TTC21B: variants seen among roughly 807,000 people sequenced by gnomAD.
TTC21B encodes the protein tetratricopeptide repeat domain 21B, also known as tetratricopeptide repeat protein 21B.
A neutral mutation model predicts 175.1 loss-of-function variants in TTC21B; 127 were observed. The ratio of observed to expected loss-of-function variants is 0.73; its 90% confidence interval spans 0.63 to 0.84. The LOEUF is 0.84. Ranked by LOEUF, TTC21B falls within the 40% of genes least tolerant of loss-of-function variation. The pLI, the probability that TTC21B is intolerant of heterozygous loss-of-function variation, is 0.00. For missense variants in TTC21B, 1,561 were observed against 1,558.3 expected, an observed-to-expected ratio of 1.00 and a Z score of -0.03; for synonymous variants, 524 against 524.5, an observed-to-expected ratio of 1.00 and a Z score of 0.01.
chr2:165,944,954 G>A (rs1200785583), intron 4 of TTC21B, among the ~76,000 whole-genome samples: 3 of 152,202 alleles, frequency 2.0e-5, no homozygotes, highest in Non-Finnish European at 2.9e-5. Flanking sequence ...ACACTTAAGC[G>A]TGTGATCTCT....
chr2:165,904,161 A>G (rs867024208), intron 19 of TTC21B, among the ~76,000 whole-genome samples: 1 of 16,456 alleles, frequency 6.1e-5, no homozygotes, highest in Admixed American at 9.4e-4. Flanking sequence ...TTATTTCTAA[A>G]ATGTTTTAAA....
chr2:165,879,868 T>A (rs1190152738), intron 27 of TTC21B: 1 of 152,160 alleles, frequency 6.6e-6, no homozygotes, highest in Non-Finnish European at 1.5e-5. Flanking sequence ...GATGAGAGAC[T>A]CGGAATCCAA....
chr2:165,923,299 C>A (rs942331063), intron 12 of TTC21B, among the ~76,000 whole-genome samples: 1 of 152,110 alleles, frequency 6.6e-6, no homozygotes, highest in African/African-American at 2.4e-5. Context: ...AAGACAATCT[C>A]ATCACTCCAT....
intron 24 of TTC21B, among the ~76,000 whole-genome samples, chr2:165,889,644 C>T (rs1470022579): frequency 6.6e-6 from 1 of 152,140 alleles, no homozygotes; most frequent in Non-Finnish European, 1.5e-5. Flanking sequence ...TCTCGGTAAT[C>T]CAAGCGTTAA....
Position 165,931,646 on chromosome 2 carries a change from A to C in TTC21B, c.894+112T>G, listed in dbSNP as rs886161347. On this transcript the variant is annotated intron_variant, in intron 8 of 28. Coordinates refer to ENST00000243344, the MANE Select transcript of TTC21B (RefSeq NM_024753.5). ...TTCCTAGGAGTATATCATATATTTAAATACATATTTGCACTCTAGGCCATA... is the reference window on the plus strand; with the variant it reads ...TTCCTAGGAGTATATCATATATTTACATACATATTTGCACTCTAGGCCATA... The C allele has an allele frequency of 5.7e-6, 5 of 872,126 alleles. No homozygotes were observed. In the African/African-American group the frequency reaches 6.7e-5, roughly 12 times the overall value. The allele number at this position is 872,126 out of a possible 1,614,324, so 54.0% of individuals were successfully genotyped here. A position where few individuals can be genotyped will look rare whatever the true frequency, so the allele number is the denominator to read the frequency against.
At chr2:165,889,200 C>G (rs996562024) in intron 24 of TTC21B, among the ~76,000 whole-genome samples, 4 of 152,142 alleles carry the variant, frequency 2.6e-5, no homozygotes, top group African/African-American at 9.7e-5. Flanking sequence ...AGCCACTGGT[C>G]TTCTTCTCAG....
intron 11 of TTC21B, among the ~76,000 whole-genome samples, chr2:165,926,665 C>T (rs1344607059): frequency 1.3e-5 from 2 of 151,996 alleles, no homozygotes; most frequent in African/African-American, 2.4e-5. Flanking sequence ...AGGAGATTAA[C>T]GTTTGAGTCA....
chr2:165,922,376 C>G (rs1323156194), intron 12 of TTC21B, among the ~76,000 whole-genome samples: 1 of 150,718 alleles, frequency 6.6e-6, no homozygotes, highest in African/African-American at 2.4e-5. Flanking sequence ...CCAAACAAAT[C>G]ATCAAGAAAA....
In TTC21B at chr2:165,898,760, G is replaced by A; in HGVS notation, c.2876C>T (p.Ala959Val). Residue 959 changes from alanine to valine, a missense_variant, in exon 22 of 29, where the codon GCT becomes GTT. By Grantham distance (64) the Ala-to-Val change is moderately conservative. Coordinates refer to ENST00000243344, the MANE Select transcript of TTC21B (RefSeq NM_024753.5). ...QDNEAATMMM[A>V]DLMFRKQDYE... ...GTCTTGTTTTCTGAACATGAGATCA[G>A]CCATCATCTATAAAGATAAAAGTTG... 1 of 1,609,196 alleles carries A rather than the reference G, an allele frequency of 6.2e-7. No individual in the cohort carries two copies. Among genetic ancestry groups the A allele is most frequent in the Non-Finnish European group, 8.5e-7 (1 of 1,175,638 alleles).
chr2:165,952,616 T>C (rs564991472), intron 1 of TTC21B, among the ~76,000 whole-genome samples: 2 of 152,296 alleles, frequency 1.3e-5, no homozygotes, highest in African/African-American at 4.8e-5. Flanking sequence ...AAAATGTTCA[T>C]TTGGGTGGCA....
intron 22 of TTC21B, among the ~76,000 whole-genome samples, chr2:165,897,708 AAAAG>A (rs1384788440): frequency 6.6e-6 from 1 of 152,184 alleles, no homozygotes; most frequent in Non-Finnish European, 1.5e-5. Flanking sequence ...TGAATATATA[AAAAG>A]AAAGGGAGTT....
At chr2:165,940,129 T>C (rs1001608921) in intron 6 of TTC21B, among the ~76,000 whole-genome samples, 3 of 152,138 alleles carry the variant, frequency 2.0e-5, no homozygotes, top group African/African-American at 7.2e-5. Context: ...ATTCTTTCTC[T>C]TACACCTAAA....
At chr2:165,944,781 T>G (rs547637647) in intron 4 of TTC21B, among the ~76,000 whole-genome samples, 22 of 152,296 alleles carry the variant, frequency 1.4e-4, no homozygotes, top group African/African-American at 5.3e-4. Context: ...TATGAGTATC[T>G]TAGTGTACCC....
intron 27 of TTC21B, among the ~76,000 whole-genome samples, chr2:165,879,219 C>T (rs1684765810): frequency 6.6e-6 from 1 of 152,144 alleles, no homozygotes; most frequent in Admixed American, 6.5e-5. Context: ...TCTTTATTTG[C>T]TGAGGTCTTC....
chr2:165,948,002 C>G (rs1687640729), intron 3 of TTC21B: 1 of 152,202 alleles, frequency 6.6e-6, no homozygotes, highest in African/African-American at 2.4e-5. Flanking sequence ...TCTATACTAA[C>G]TACAGCTCTC....
chr2:165,931,929 T>A, intron 7 of TTC21B, 73 bp from the exon 8 acceptor site: 1 of 960,982 alleles, frequency 1.0e-6, no homozygotes, highest in Non-Finnish European at 1.7e-6. Context: ...ACATACACAC[T>A]AACAAAGCAT....
At chr2:165,929,064 GAA>G (rs1686784004) in intron 11 of TTC21B, 69 bp downstream of exon 11, 1 of 1,430,182 alleles carries the variant, frequency 7.0e-7, no homozygotes, top group East Asian at 2.3e-5. Context: ...ATGCATCAAA[GAA>G]AACTTTTAAG....
chr2:165,929,082 T>C (rs1007334973), intron 11 of TTC21B, 53 bp downstream of exon 11: 1 of 1,547,018 alleles, frequency 6.5e-7, no homozygotes, highest in Non-Finnish European at 8.9e-7. Context: ...TTAAGTTCTT[T>C]CATAAAACAT....
intron 14 of TTC21B, among the ~76,000 whole-genome samples, chr2:165,916,150 C>T (rs1305271198): frequency 6.6e-6 from 1 of 152,130 alleles, no homozygotes; most frequent in African/African-American, 2.4e-5. Flanking sequence ...CATGGCCCAG[C>T]TACTTGAGAG....
Sources: gnomAD v4.1 joint callset for allele counts (sites outside exome capture counted in the v4.1 genomes callset) on GRCh38, gnomAD v4.1.1 for gene constraint, MANE v1.5 for transcripts, NCBI Gene and HGNC (gene_info 2026-07-23, HGNC 2026-07-21) for gene names.